Variants in CNTNAP2 observed in about 807,000 individuals in gnomAD.
CNTNAP2 encodes the protein contactin-associated protein-like 2.
In CNTNAP2, 98 loss-of-function variants were observed where a neutral mutation model predicts 155.2. That is an observed-to-expected ratio of 0.63 (90% confidence interval 0.54 to 0.75). The LOEUF (loss-of-function observed/expected upper bound fraction) is 0.75. Ranked by LOEUF, CNTNAP2 falls within the 30% of genes least tolerant of loss-of-function variation. CNTNAP2 has a pLI of 0.00. For synonymous variants in CNTNAP2, 651 were observed against 631.2 expected (o/e 1.03, Z -0.47); for missense variants, 1,727 against 1,688.1 (o/e 1.02, Z -0.40).
chr7:146,711,239 A>G (rs1012910325), intron 1 of CNTNAP2, among the ~76,000 whole-genome samples: 1 of 147,246 alleles, frequency 6.8e-6, no homozygotes, highest in Non-Finnish European at 1.5e-5. Context: ...ATACATATAC[A>G]TATATATTTT....
chr7:147,469,855 T>A (rs568171452), intron 10 of CNTNAP2, among the ~76,000 whole-genome samples: 1 of 152,274 alleles, frequency 6.6e-6, no homozygotes, highest in African/African-American at 2.4e-5. Flanking sequence ...AGAGCAGGCC[T>A]CATTGGGATG....
rs573833888 is a variant in CNTNAP2 at position 147,876,859 on chromosome 7, G to C, written c.2099-26706G>C. Among the ~76,000 whole-genome samples, 8 of 152,278 alleles carry C rather than the reference G, an allele frequency of 5.3e-5. No homozygotes were observed. The South Asian group carries it at 1.5e-3, about 28-fold the overall frequency. On this transcript the variant is annotated intron_variant, in intron 13 of 23. Transcript: ENST00000361727. Reference sequence around the variant, plus strand: ...CTTGCAAGAACAGGAACATTAGAGGGGGGTGTGCACTGTGGGGAACTACGG... The same window carrying C: ...CTTGCAAGAACAGGAACATTAGAGGCGGGTGTGCACTGTGGGGAACTACGG...
chr7:146,354,402 CTT>C (rs1794966289), intron 1 of CNTNAP2, among the ~76,000 whole-genome samples: 1 of 146,200 alleles, frequency 6.8e-6, no homozygotes, highest in Non-Finnish European at 1.5e-5. Flanking sequence ...CAGTTCCTCT[CTT>C]GTTAGTATTT....
intron 3 of CNTNAP2, among the ~76,000 whole-genome samples, chr7:146,932,137 A>C (rs886562787): frequency 1.3e-5 from 2 of 152,116 alleles, no homozygotes; most frequent in Non-Finnish European, 2.9e-5. Flanking sequence ...ACAACCAAAA[A>C]AGAGAATTTT....
intron 2 of CNTNAP2, among the ~76,000 whole-genome samples, chr7:146,831,669 CAAA>C (rs531970313): frequency 2.0e-3 from 34 of 16,804 alleles, no homozygotes; most frequent in African/African-American, 5.6e-3. Flanking sequence ...AGCAAGACGC[CAAA>C]AAAAAAAAAA....
chr7:148,409,521 G>A (rs1472676865), intron 23 of CNTNAP2, 50 bp downstream of exon 23: 1 of 1,475,708 alleles, frequency 6.8e-7, no homozygotes, highest in East Asian at 2.3e-5. Flanking sequence ...ACTATGGAAA[G>A]TAATAGTTGT....
intron 1 of CNTNAP2, among the ~76,000 whole-genome samples, chr7:146,141,188 G>C (rs1797876278): frequency 1.3e-5 from 2 of 152,116 alleles, no homozygotes; most frequent in Non-Finnish European, 1.5e-5. Context: ...TGTCTAAGTG[G>C]CACAAAGGGC....
chr7:146,312,690 T>C (rs1220661717), intron 1 of CNTNAP2, among the ~76,000 whole-genome samples: 1 of 152,118 alleles, frequency 6.6e-6, no homozygotes, highest in Non-Finnish European at 1.5e-5. Context: ...AACTAATTCT[T>C]TGTACCTCTG....
chr7:148,061,195 A>G, intron 15 of CNTNAP2, among the ~76,000 whole-genome samples: 1 of 144,846 alleles, frequency 6.9e-6, no homozygotes, highest in East Asian at 2.1e-4. Flanking sequence ...TTTAAAAAGG[A>G]GTAAATGAAA....
chr7:148,015,192 G>A (rs1802155285), intron 15 of CNTNAP2, among the ~76,000 whole-genome samples: 1 of 152,096 alleles, frequency 6.6e-6, no homozygotes, highest in Admixed American at 6.6e-5. Flanking sequence ...CCTTTAATTT[G>A]CAGAACATTA....
chr7:146,783,206 G>T (rs1028418053), intron 2 of CNTNAP2, among the ~76,000 whole-genome samples: 2 of 151,990 alleles, frequency 1.3e-5, no homozygotes, highest in African/African-American at 4.8e-5. Context: ...ATATCTTATA[G>T]AAACTAACAT....
At chr7:148,357,883 A>AACAAGC (rs1798546887) in intron 21 of CNTNAP2, among the ~76,000 whole-genome samples, 1 of 152,226 alleles carries the variant, frequency 6.6e-6, no homozygotes, top group African/African-American at 2.4e-5. Context: ...CAAGTATTCA[A>AACAAGC]ACAAGCACAA....
At chr7:147,731,826 CAGG>C (rs760811059) in intron 13 of CNTNAP2, among the ~76,000 whole-genome samples, 4 of 152,054 alleles carry the variant, frequency 2.6e-5, no homozygotes, top group Non-Finnish European at 5.9e-5. Flanking sequence ...TTAACATTAA[CAGG>C]AGTTTAGAAG....
intron 1 of CNTNAP2, among the ~76,000 whole-genome samples, chr7:146,730,804 T>A (rs897892233): frequency 6.6e-6 from 1 of 152,218 alleles, no homozygotes; most frequent in Non-Finnish European, 1.5e-5. Context: ...TTGTTTTTAT[T>A]TCCACCACTT....
intron 5 of CNTNAP2, among the ~76,000 whole-genome samples, chr7:147,110,807 G>A (rs1800861615): frequency 6.6e-6 from 1 of 152,058 alleles, no homozygotes; most frequent in East Asian, 1.9e-4. Context: ...TCATGTCTTT[G>A]CTATTGTGAA....
intron 2 of CNTNAP2, among the ~76,000 whole-genome samples, chr7:146,807,273 G>T (rs931382235): frequency 2.6e-5 from 4 of 151,912 alleles, no homozygotes; most frequent in African/African-American, 7.3e-5. Context: ...ATTTGTAATG[G>T]TATTGTCTTA....
chr7:147,134,463 A>G lies in CNTNAP2; in HGVS notation c.1348+1954A>G, dbSNP rs539854704. ...AAGATTTCCGTAGTATTACCCTTCT[A>G]TAATCCAGTGAAAATACCTTACTGC... On this transcript the variant is annotated intron_variant, in intron 8 of 23. Transcript: ENST00000361727. Among the ~76,000 whole-genome samples, 18 of 151,982 alleles carry G rather than the reference A, an allele frequency of 1.2e-4. No homozygotes were observed. The South Asian group carries it at 3.1e-3, about 26-fold the overall frequency.
At chr7:146,699,661 G>T (rs1585047770) in intron 1 of CNTNAP2, among the ~76,000 whole-genome samples, 1 of 152,006 alleles carries the variant, frequency 6.6e-6, no homozygotes, top group Non-Finnish European at 1.5e-5. Context: ...TTGAGGGTAG[G>T]CCTTTGTTAA....
chr7:147,782,094 T>C (rs918739062), intron 13 of CNTNAP2, among the ~76,000 whole-genome samples: 1 of 151,552 alleles, frequency 6.6e-6, no homozygotes, highest in Non-Finnish European at 1.5e-5. Flanking sequence ...GGGGCCAGGA[T>C]GTTGATTTTG....
Sources: allele counts gnomAD v4.1 joint callset (sites outside exome capture counted in the v4.1 genomes callset), GRCh38; gene constraint gnomAD v4.1.1; transcripts MANE v1.5; gene names NCBI Gene and HGNC (gene_info 2026-07-23, HGNC 2026-07-21).